The following PTH2R variants were observed in gnomAD, a reference collection of about 807,000 sequenced individuals.
PTH2R encodes PTH2 receptor.
In PTH2R, 59 loss-of-function variants were observed where a neutral mutation model predicts 60.3. The observed-to-expected ratio is 0.98, with a 90% CI of 0.79 to 1.22. PTH2R has a LOEUF of 1.22. PTH2R is among the 50% of genes most tolerant of loss of function. The probability of loss-of-function intolerance (pLI) is 0.00; values close to 1 mark genes in which losing one functional copy is unlikely to be tolerated. For synonymous variants in PTH2R, 256 were observed against 243.8 expected (o/e 1.05, Z -0.47); for missense variants, 749 against 682.6 (o/e 1.10, Z -1.08).
At position 208,421,240 on chromosome 2, in the gene PTH2R, C is replaced by T. The variant is rs7561396; in HGVS notation, c.76-6961C>T. Among the ~76,000 whole-genome samples the T allele has an allele frequency of 4.9e-3, 747 of 152,152 alleles. 3 individuals carry two copies. The highest frequency in any genetic ancestry group is 0.017 in the African/African-American group (700 of 41,520). ...AGTTTGCTTCTTGCATGAATAGGGT[C>T]GTGGGGATTTTTAGAATTTGTAGCC... On this transcript the variant is annotated intron_variant, in intron 1 of 12. Coordinates refer to ENST00000272847, the MANE Select transcript of PTH2R (RefSeq NM_005048.4).
At chr2:208,433,629 A>G (rs1702016052) in intron 2 of PTH2R, among the ~76,000 whole-genome samples, 1 of 152,238 alleles carries the variant, frequency 6.6e-6, no homozygotes, top group Admixed American at 6.5e-5. Flanking sequence ...GAACATAAGA[A>G]CATAAAAGTT....
intron 1 of PTH2R, among the ~76,000 whole-genome samples, chr2:208,418,392 G>A (rs1701685242): frequency 6.6e-6 from 1 of 151,110 alleles, no homozygotes; most frequent in South Asian, 2.1e-4. Context: ...AAGAATTTTA[G>A]CAAATTTTAT....
intron 1 of PTH2R, among the ~76,000 whole-genome samples, chr2:208,371,399 T>TGA (rs1700698512): frequency 9.9e-5 from 15 of 152,132 alleles, no homozygotes; most frequent in Admixed American, 9.8e-4. Flanking sequence ...TAAATGAGTC[T>TGA]TATCAGAACC....
At chr2:208,395,939 C>A (rs1337729799) in intron 1 of PTH2R, among the ~76,000 whole-genome samples, 1 of 152,186 alleles carries the variant, frequency 6.6e-6, no homozygotes, top group Non-Finnish European at 1.5e-5. Context: ...ACCAAAACAG[C>A]ATGGTACTGG....
chr2:208,468,198 G>A (rs546349723), intron 9 of PTH2R, among the ~76,000 whole-genome samples: 1 of 152,330 alleles, frequency 6.6e-6, no homozygotes, highest in African/African-American at 2.4e-5. Context: ...TAACCACCAT[G>A]TGTGCAGAGG....
chr2:208,414,957 T>C (rs1053513344), intron 1 of PTH2R, among the ~76,000 whole-genome samples: 2 of 151,870 alleles, frequency 1.3e-5, no homozygotes, highest in Non-Finnish European at 2.9e-5. Context: ...CTCAAAACTA[T>C]TAAGATAAAT....
intron 9 of PTH2R, among the ~76,000 whole-genome samples, chr2:208,461,314 A>G (rs1245026959): frequency 2.6e-5 from 4 of 152,122 alleles, no homozygotes; most frequent in Non-Finnish European, 5.9e-5. Context: ...ATCTGTAACT[A>G]TATCCCTGAG....
intron 1 of PTH2R, among the ~76,000 whole-genome samples, chr2:208,364,000 C>A (rs1452747405): frequency 6.6e-6 from 1 of 152,120 alleles, no homozygotes; most frequent in African/African-American, 2.4e-5. Flanking sequence ...TATGCAGAAG[C>A]TCTTTAGTTT....
At chr2:208,483,655 G>A (rs1703209641) in intron 10 of PTH2R, among the ~76,000 whole-genome samples, 1 of 152,202 alleles carries the variant, frequency 6.6e-6, no homozygotes, top group Non-Finnish European at 1.5e-5. Flanking sequence ...GAATAACTTT[G>A]AAATAATCTG....
chr2:208,361,560 T>G (rs961620881), intron 1 of PTH2R, among the ~76,000 whole-genome samples: 1 of 152,126 alleles, frequency 6.6e-6, no homozygotes, highest in Non-Finnish European at 1.5e-5. Context: ...CTCCACAACT[T>G]TTTCATTTTG....
At chr2:208,467,682 A>G (rs901337666) in intron 9 of PTH2R, among the ~76,000 whole-genome samples, 5 of 152,214 alleles carry the variant, frequency 3.3e-5, no homozygotes, top group East Asian at 1.9e-4. Context: ...AAGTTTTGCA[A>G]CTTCAAGATA....
chr2:208,465,666 G>A (rs1270068684), intron 9 of PTH2R, among the ~76,000 whole-genome samples: 1 of 151,968 alleles, frequency 6.6e-6, no homozygotes, highest in African/African-American at 2.4e-5. Context: ...GCCTCCCAAA[G>A]TGCTGGAATT....
chr2:208,365,286 C>T (rs13395035), intron 1 of PTH2R, among the ~76,000 whole-genome samples: 19,150 of 152,020 alleles, frequency 0.13, 1,366 homozygotes, highest in African/African-American at 0.19. Flanking sequence ...CTGAGTATGC[C>T]GTTAGCTGTG....
Position 208,383,732 on chromosome 2 carries a change from A to G in PTH2R, c.-259+23495A>G, listed in dbSNP as rs80073252. Among the ~76,000 whole-genome samples the G allele has an allele frequency of 3.4e-3, 514 of 152,344 alleles. 3 individuals carry two copies. Among genetic ancestry groups the G allele is most frequent in the African/African-American group, 0.012 (497 of 41,588 alleles). On this transcript the variant is annotated intron_variant, in intron 1 of 12. Coordinates refer to the PTH2R transcript ENST00000617735. Reference sequence around the variant, plus strand: ...CAATAGTTGAACTTAAACATAATGCATGGGTGTGAGGGCTGGCATTGATGA... The same window carrying G: ...CAATAGTTGAACTTAAACATAATGCGTGGGTGTGAGGGCTGGCATTGATGA...
At chr2:208,478,331 T>C (rs1703065964) in intron 9 of PTH2R, among the ~76,000 whole-genome samples, 1 of 152,182 alleles carries the variant, frequency 6.6e-6, no homozygotes, top group African/African-American at 2.4e-5. Context: ...AAAATCAATG[T>C]GTCAGCAGGG....
intron 7 of PTH2R, among the ~76,000 whole-genome samples, chr2:208,450,097 C>T (rs1702373034): frequency 6.6e-6 from 1 of 152,196 alleles, no homozygotes; most frequent in Middle Eastern, 3.4e-3. Context: ...AAACGAAAGT[C>T]GGTATAATGG....
intron 2 of PTH2R, among the ~76,000 whole-genome samples, chr2:208,433,647 T>C (rs879509972): frequency 5.3e-5 from 8 of 152,228 alleles, no homozygotes; most frequent in Non-Finnish European, 1.2e-4. Flanking sequence ...GTTTTCCTAA[T>C]GTTTATGAAA....
At chr2:208,439,997 A>C (rs1296613231) in intron 4 of PTH2R, among the ~76,000 whole-genome samples, 1 of 152,250 alleles carries the variant, frequency 6.6e-6, no homozygotes, top group Non-Finnish European at 1.5e-5. Flanking sequence ...ATAAGCGCAA[A>C]TATATGCATA....
intron 9 of PTH2R, among the ~76,000 whole-genome samples, chr2:208,470,478 T>C (rs1224862988): frequency 6.6e-6 from 1 of 151,454 alleles, no homozygotes. Flanking sequence ...GTCTTTCTTG[T>C]GCTGTTCTCG....
Sources: gnomAD v4.1 joint callset for allele counts (sites outside exome capture counted in the v4.1 genomes callset) on GRCh38, gnomAD v4.1.1 for gene constraint, MANE v1.5 for transcripts, NCBI Gene and HGNC (gene_info 2026-07-23, HGNC 2026-07-21) for gene names.